The following CLCN2 variants were observed in gnomAD, a reference collection of about 807,000 sequenced individuals.
CLCN2 encodes the protein chloride voltage-gated channel 2.
Under a neutral mutation model 108.3 loss-of-function variants are expected in CLCN2, and 72 were observed. The ratio of observed to expected loss-of-function variants is 0.66; its 90% CI spans 0.55 to 0.81. The LOEUF is 0.81. Among genes scored for constraint, CLCN2 ranks in the 30% least tolerant of loss-of-function variants. The pLI is 0.00. For missense variants in CLCN2, 1,048 were observed against 1,205.2 expected (o/e 0.87, Z 1.93); for synonymous variants, 471 against 467.1 (o/e 1.01, Z -0.11).
chr3:184,346,605 C>G lies in CLCN2; in HGVS notation c.*1G>C, dbSNP rs777903067. ...ACCATCCTAGGCCACCCACGAGGGG[C>G]TCATTGGCATTTGTCGTCGCTGTCG... On this transcript the variant is annotated 3_prime_UTR_variant, in exon 24 of 24. Coordinates refer to ENST00000265593, the MANE Select transcript of CLCN2 (RefSeq NM_004366.6). The surrounding 1 kb of genome is among the most constrained non-coding windows in gnomAD (Gnocchi z 6.0). 1.2e-6 allele frequency: 2 copies of G among 1,613,974 alleles called. No individual in the cohort carries two copies. Among genetic ancestry groups the G allele is most frequent in the South Asian group, 2.2e-5 (2 of 91,086 alleles).
chr3:184,361,476 C>G lies in CLCN2; in HGVS notation c.4G>C (p.Ala2Pro), dbSNP rs1448369285. The G allele has an allele frequency of 6.2e-7, 1 of 1,612,034 alleles. No homozygotes were observed. ...ATCCCTTCCTCCGCCGCCGCGGCCGCCATCTCCGCGCACTGCCCTCTCGCC... is the reference window on the plus strand; with the variant it reads ...ATCCCTTCCTCCGCCGCCGCGGCCGGCATCTCCGCGCACTGCCCTCTCGCC... Reference protein sequence around the residue: MAAAAAEEGMEP... With the variant: MPAAAAEEGMEP... The change falls in exon 1 of 24, where the codon GCG becomes CCG. Residue 2 changes from alanine to proline, a missense_variant. Ala to Pro is a conservative substitution (Grantham distance 27). Coordinates refer to ENST00000265593, the MANE Select transcript of CLCN2 (RefSeq NM_004366.6). This position sits in a 1 kb window ranked among gnomAD's most constrained non-coding sequence, Gnocchi z 6.6.
At position 184,353,295 on chromosome 3, in the gene CLCN2, A is replaced by C. The variant is rs774662841; in HGVS notation, c.1983T>G (p.Ser661=). 7 of 1,613,616 alleles carry C rather than the reference A, an allele frequency of 4.3e-6. No homozygotes were observed. Among genetic ancestry groups the C allele is most frequent in the Middle Eastern group, 3.3e-4 (2 of 6,084 alleles). Residue 661 remains serine, a synonymous_variant, in exon 17 of 24, where the codon TCT becomes TCG. Transcript: ENST00000265593. ...ERRATQTSPL[S]DQEGPPTPEA... ...CAGGGGTAGGGGGACCCTCCTGATC[A>C]GATAGTGGAGAGGTCTGGGTGGCTC...
At chr3:184,352,191 C>T (rs1728154579) in intron 21 of CLCN2, 74 bp from the exon 22 acceptor site, 1 of 1,594,256 alleles carries the variant, frequency 6.3e-7, no homozygotes, top group Non-Finnish European at 8.6e-7. Context: ...AGCTGGCCTG[C>T]CCTTTTTCCA....
chr3:184,354,844 G>T lies in CLCN2; in HGVS notation c.1396+60C>A, dbSNP rs3749222. The stretch of plus-strand genomic sequence containing the variant: ...CCGCTCTTGGGCAGAGGGTTGGCTG[G>T]GGGGGTGGCCAGAGGCTGAGGAAGG... On this transcript the variant is annotated intron_variant, in intron 13 of 23. Transcript: ENST00000265593. The T allele has an allele frequency of 1.7e-4, 262 of 1,562,648 alleles. 1 individual carries two copies. Among genetic ancestry groups the T allele is most frequent in the Middle Eastern group, 8.4e-4 (5 of 5,978 alleles).
At chr3:184,360,324 G>A (rs1028187064) in intron 1 of CLCN2, among the ~76,000 whole-genome samples, 3 of 152,072 alleles carry the variant, frequency 2.0e-5, no homozygotes, top group Non-Finnish European at 4.4e-5. Flanking sequence ...GAGACAGCTG[G>A]AAGGGACGGA....
chr3:184,352,598 C>T (rs1329254677), intron 19 of CLCN2, 102 bp from the exon 20 acceptor site: 2 of 1,459,058 alleles, frequency 1.4e-6, no homozygotes, highest in Non-Finnish European at 1.9e-6. Flanking sequence ...GGGCACGCCA[C>T]AGGACCTGAG....
At chr3:184,354,832 G>A in intron 13 of CLCN2, 72 bp downstream of exon 13, 2 of 1,540,594 alleles carry the variant, frequency 1.3e-6, no homozygotes, top group Non-Finnish European at 1.8e-6. Context: ...CTCTTGGGCA[G>A]AGGGTTGGCT....
intron 22 of CLCN2, chr3:184,348,675 C>A (rs1727877741): frequency 6.6e-6 from 1 of 152,112 alleles, no homozygotes; most frequent in African/African-American, 2.4e-5. Flanking sequence ...ATCCCTTAGC[C>A]TTGTCTTCTT....
At chr3:184,351,969 T>C (rs1051167439) in intron 22 of CLCN2, 44 bp downstream of exon 22, 2 of 1,407,404 alleles carry the variant, frequency 1.4e-6, no homozygotes, top group South Asian at 1.1e-5. Context: ...CCCCACTGTG[T>C]CCTGAGAGCC....
intron 15 of CLCN2, 150 bp from the exon 16 acceptor site, chr3:184,353,945 C>G (rs1728331658): frequency 7.2e-7 from 1 of 1,393,378 alleles, no homozygotes. Flanking sequence ...TCTTTCTGAA[C>G]AGCAGGGGCC....
chr3:184,352,854 T>C lies in CLCN2; in HGVS notation c.2144-44A>G, dbSNP rs755168604. The C allele has an allele frequency of 3.7e-6, 6 of 1,606,234 alleles. No individual in the cohort carries two copies. The African/African-American group carries it at 8.0e-5, about 21-fold the overall frequency. ...GGCCCCAGGGGGCAATGTCATCTTT[T>C]GGGGAGAGGACCAGGAAAGGTAAGG... On this transcript the variant is annotated intron_variant, in intron 18 of 23. Coordinates refer to ENST00000265593, the MANE Select transcript of CLCN2 (RefSeq NM_004366.6).
At chr3:184,356,954 A>C (rs1403897484) in intron 10 of CLCN2, 39 bp downstream of exon 10, 2 of 1,480,568 alleles carry the variant, frequency 1.4e-6, no homozygotes, top group Admixed American at 1.7e-5. Flanking sequence ...GCCCTTATAC[A>C]ACTCAAAGCA....
chr3:184,361,057 G>A lies in CLCN2; in HGVS notation c.63+360C>T, dbSNP rs187547158. Among the ~76,000 whole-genome samples, 11 of 152,358 alleles carry A rather than the reference G, an allele frequency of 7.2e-5. No homozygotes were observed. Among genetic ancestry groups the A allele is most frequent in the Admixed American group, 2.0e-4 (3 of 15,300 alleles). On this transcript the variant is annotated intron_variant, in intron 1 of 23. Coordinates refer to ENST00000265593, the MANE Select transcript of CLCN2 (RefSeq NM_004366.6). This position sits in a 1 kb window ranked among gnomAD's most constrained non-coding sequence, Gnocchi z 6.6. Reference sequence around the variant, plus strand: ...AATGTCTTGGGTGGTGGAGATAGTGGCGTAGAGAAAGTTCAATGGTGTGAA... The same window carrying A: ...AATGTCTTGGGTGGTGGAGATAGTGACGTAGAGAAAGTTCAATGGTGTGAA...
Position 184,354,109 on chromosome 3 carries a change from G to A in CLCN2, c.1713C>T (p.Gly571=). Reference sequence around the variant, plus strand: ...CACCCAGCCCTCCGTACTGGTGGCGGCCCCAGCCGAGCTCAGGCAGGTAGG... The same window carrying A: ...CACCCAGCCCTCCGTACTGGTGGCGACCCCAGCCGAGCTCAGGCAGGTAGG... ...KLPYLPELGW[G]RHQQYRVRVE... is the part of the protein sequence containing the mutation. Residue 571 remains glycine, a synonymous_variant, in exon 15 of 24, where the codon GGC becomes GGT. Transcript: ENST00000265593. 6.2e-7 allele frequency: 1 copy of A among 1,611,904 alleles called. No individual in the cohort carries two copies. The highest frequency in any genetic ancestry group is 8.5e-7 in the Non-Finnish European group (1 of 1,179,676).
intron 13 of CLCN2, 107 bp downstream of exon 13, chr3:184,354,797 G>C (rs1404503722): frequency 2.9e-6 from 4 of 1,401,446 alleles, no homozygotes; most frequent in East Asian, 2.3e-5. Context: ...GTCAGGGTTC[G>C]GGCTAGGGCT....
Position 184,352,869 on chromosome 3 carries a change from G to A in CLCN2, c.2144-59C>T, listed in dbSNP as rs1261862436. 28 of 1,597,312 alleles carry A rather than the reference G, an allele frequency of 1.8e-5. No individual in the cohort carries two copies. In the East Asian group the frequency reaches 5.8e-4, roughly 33 times the overall value. ...TGTCATCTTTTGGGGAGAGGACCAG[G>A]AAAGGTAAGGAAGACACAGGGAGAG... On this transcript the variant is annotated intron_variant, in intron 18 of 23. Transcript: ENST00000265593.
chr3:184,353,454 T>C, intron 16 of CLCN2, 32 bp from the exon 17 acceptor site: 2 of 1,579,884 alleles, frequency 1.3e-6, no homozygotes, highest in East Asian at 4.6e-5. Flanking sequence ...ACTCAGGAGC[T>C]GAGAGGGAGC....
In CLCN2 at chr3:184,354,320, G is replaced by T; in HGVS notation, c.1508-6C>A. 3 of 1,612,782 alleles carry T rather than the reference G, an allele frequency of 1.9e-6. No homozygotes were observed. The highest frequency in any genetic ancestry group is 2.5e-6 in the Non-Finnish European group (3 of 1,179,812). ...TCCTGCCAGCGCAGCTGCCCCTGGG[G>T]ACAGTCACACTCAGTCTCCTCAGGG... is the stretch of plus-strand genomic sequence containing the variant. On this transcript the variant is annotated splice_polypyrimidine_tract_variant and splice_region_variant and intron_variant, in intron 14 of 23. Transcript: ENST00000265593.
Position 184,355,167 on chromosome 3 carries a change from G to C in CLCN2, c.1327-194C>G. 1.3e-6 allele frequency: 1 copy of C among 780,906 alleles called. No homozygotes were observed. The highest frequency in any genetic ancestry group is 2.7e-5 in the East Asian group (1 of 37,346). The allele number at this position is 780,906 out of a possible 1,614,324, so 48.4% of individuals were successfully genotyped here. The stretch of plus-strand genomic sequence containing the variant: ...AGGGGAAGGACTCTGGAAGCAGATG[G>C]CTTGGGTTCAGATCATCGCTCTGCC... On this transcript the variant is annotated intron_variant, in intron 12 of 23. Transcript: ENST00000265593. The surrounding 1 kb of genome is among the most constrained non-coding windows in gnomAD (Gnocchi z 6.3).
Sources: allele counts gnomAD v4.1 joint callset (sites outside exome capture counted in the v4.1 genomes callset), GRCh38; gene constraint gnomAD v4.1.1; non-coding constraint Gnocchi (gnomAD v3.1); transcripts MANE v1.5; gene names NCBI Gene and HGNC (gene_info 2026-07-23, HGNC 2026-07-21).